The following NUMA1 variants were observed in gnomAD, a reference collection of about 807,000 sequenced individuals.
NUMA1 encodes SP-H antigen.
NUMA1 carries 62 observed loss-of-function variants against 237.1 expected under a neutral mutation model. That is an observed-to-expected ratio of 0.26 (90% CI 0.21 to 0.32). The LOEUF (loss-of-function observed/expected upper bound fraction) is 0.32, where lower values mean the gene tolerates loss of function less well. NUMA1 is among the 10% of genes least tolerant of loss of function. The probability of loss-of-function intolerance (pLI) is 1.00; values close to 1 mark genes in which losing one functional copy is unlikely to be tolerated. For missense variants in NUMA1, 2,533 were observed against 2,666.5 expected (o/e 0.95, Z 1.10); for synonymous variants, 1,028 against 1,066.1 (o/e 0.96, Z 0.70).
intron 1 of NUMA1, among the ~76,000 whole-genome samples, chr11:72,077,818 AAAAAAAAAAAAC>A (rs911851195): frequency 1.4e-4 from 21 of 151,150 alleles, no homozygotes; most frequent in South Asian, 1.0e-3. Context: ...CATCTCAAAA[AAAAAAAAAAAAC>A]AAAAAACTGA....
intron 2 of NUMA1, chr11:72,065,633 C>G (rs1024760843): frequency 2.0e-5 from 3 of 152,152 alleles, no homozygotes; most frequent in Non-Finnish European, 4.4e-5. Context: ...CTGCGTTTTT[C>G]ACATATCCTA....
At chr11:72,036,820 G>A (rs1412846603) in intron 2 of NUMA1, among the ~76,000 whole-genome samples, 2 of 152,102 alleles carry the variant, frequency 1.3e-5, no homozygotes, top group Admixed American at 6.6e-5. Context: ...AGAGACCACA[G>A]ACCAGATTAA....
intron 2 of NUMA1, among the ~76,000 whole-genome samples, chr11:72,038,035 A>C (rs1941245393): frequency 6.6e-6 from 1 of 152,154 alleles, no homozygotes; most frequent in Non-Finnish European, 1.5e-5. Context: ...CAGACACTCA[A>C]CTGGGGTTTC....
intron 22 of NUMA1, chr11:72,005,758 G>A (rs529594564): frequency 6.4e-5 from 32 of 503,798 alleles, no homozygotes; most frequent in Middle Eastern, 5.0e-4. Context: ...GCCCATCACC[G>A]CCTGAGAAGG....
chr11:72,068,881 T>C (rs1408632968), intron 2 of NUMA1, among the ~76,000 whole-genome samples: 1 of 152,214 alleles, frequency 6.6e-6, no homozygotes, highest in Non-Finnish European at 1.5e-5. Flanking sequence ...GTTACTGTTT[T>C]ATAGTCACAC....
chr11:72,038,795 A>C (rs2135789734), intron 2 of NUMA1, among the ~76,000 whole-genome samples: 3 of 146,906 alleles, frequency 2.0e-5, no homozygotes, highest in East Asian at 2.1e-4. Flanking sequence ...TCCCCCCCAC[A>C]ACCCTCACTC....
At chr11:72,016,314 C>A in intron 14 of NUMA1, 54 bp from the exon 15 acceptor site, 1 of 1,584,630 alleles carries the variant, frequency 6.3e-7, no homozygotes. Context: ...GTCATCAAGA[C>A]TCCTCTGGAA....
intron 1 of NUMA1, among the ~76,000 whole-genome samples, chr11:72,071,146 C>A (rs1943432991): frequency 6.6e-6 from 1 of 152,210 alleles, no homozygotes; most frequent in African/African-American, 2.4e-5. Flanking sequence ...ATCCCAACTG[C>A]CTCCAATTCT....
chr11:72,049,575 A>ATATATATATATATATG (rs1942214074), intron 2 of NUMA1: 1 of 19,826 alleles, frequency 5.0e-5, no homozygotes. Context: ...ATATATATAT[A>ATATATATATATATATG]TATATATAGT....
chr11:72,003,398 ACT>A lies in NUMA1; in HGVS notation c.*127_*128del. On this transcript the variant is annotated 3_prime_UTR_variant, in exon 27 of 27. Coordinates refer to ENST00000393695, the MANE Select transcript of NUMA1 (RefSeq NM_006185.4). ...CCAGGCCAGGGTGCGGGCAGGCATC[ACT>A]GTCTCTAGGGGTTTGGCTACTGTTG... 2 of 909,542 alleles carry A rather than the reference ACT, an allele frequency of 2.2e-6. No homozygotes were observed. Among genetic ancestry groups the A allele is most frequent in the Non-Finnish European group, 3.6e-6 (2 of 548,440 alleles). The allele number at this position is 909,542 out of a possible 1,614,324, so 56.3% of individuals were successfully genotyped here.
At chr11:72,064,872 T>C (rs780193503) in intron 2 of NUMA1, among the ~76,000 whole-genome samples, 15 of 152,172 alleles carry the variant, frequency 9.9e-5, no homozygotes, top group Non-Finnish European at 1.8e-4. Context: ...AAAACTATTA[T>C]GGTATGGCCC....
rs139068712 is a variant in NUMA1 at position 72,014,549 on chromosome 11, C to T, written c.2954G>A (p.Arg985Gln). The T allele has an allele frequency of 3.8e-5, 61 of 1,602,478 alleles. No homozygotes were observed. The highest frequency in any genetic ancestry group is 4.9e-5 in the Non-Finnish European group (58 of 1,179,978). ...CCCCTGGCTCTCCATCAGCGCGGCC[C>T]GCAGCCGTTCCAGCTCATTGCCCAT... The part of the protein sequence containing the change: ...EQMGNELERL[R>Q]AALMESQGQQ... The change falls in exon 15 of 27, where the codon CGG (arginine) becomes CAG (glutamine). Residue 985 changes from arginine to glutamine, a missense_variant. Arg to Gln is a conservative substitution (Grantham distance 43, BLOSUM62 1). Coordinates refer to ENST00000393695, the MANE Select transcript of NUMA1 (RefSeq NM_006185.4). The surrounding 1 kb of genome is among the most constrained non-coding windows in gnomAD (Gnocchi z 4.6).
chr11:72,076,934 C>T (rs1943737012), intron 1 of NUMA1, among the ~76,000 whole-genome samples: 1 of 151,878 alleles, frequency 6.6e-6, no homozygotes, highest in African/African-American at 2.4e-5. Flanking sequence ...GAGACAAAAA[C>T]AAGATCACGA....
Position 72,016,082 on chromosome 11 carries a change from G to C in NUMA1, c.1421C>G (p.Ser474Cys). Residue 474 changes from serine to cysteine, a missense_variant, in exon 15 of 27, where the codon TCC (serine) becomes TGC (cysteine). Around this residue, in one of 3 missense-constraint regions of NUMA1, gnomAD observed 1,414 missense variants for 1,508.1 expected, o/e 0.94. Coordinates refer to ENST00000393695, the MANE Select transcript of NUMA1 (RefSeq NM_006185.4). ...CTTGGCCTGGCTGAGGTTGGAGATG[G>C]AGCTCTGCAGGTCAGTGATCAGGCT... ...LSSLITDLQS[S>C]ISNLSQAKEE... 1 of 1,614,156 alleles carries C rather than the reference G, an allele frequency of 6.2e-7. No homozygotes were observed. The highest frequency in any genetic ancestry group is 8.5e-7 in the Non-Finnish European group (1 of 1,180,042).
At chr11:72,021,357 G>GCTCCACCCTGGCAGTGCCAGTCC in intron 7 of NUMA1, 66 bp from the exon 8 acceptor site, 2 of 1,404,930 alleles carry the variant, frequency 1.4e-6, no homozygotes, top group South Asian at 2.3e-5. Flanking sequence ...GCTGCCAGGA[G>GCTCCACCCTGGCAGTGCCAGTCC]CTCCACCCTG....
chr11:72,058,920 GA>G lies in NUMA1; in HGVS notation c.-33+10921del, dbSNP rs565355752. 2.1e-4 allele frequency among the ~76,000 whole-genome samples: 32 copies of G among 152,298 alleles called. No individual in the cohort carries two copies. In the East Asian group the frequency reaches 6.0e-3, roughly 28 times the overall value. On this transcript the variant is annotated intron_variant, in intron 2 of 26. Coordinates refer to ENST00000393695, the MANE Select transcript of NUMA1 (RefSeq NM_006185.4). ...CACACTCCTAATCCTGGCAAGTGCAGACAGGCCCAGGAGCTCTCCAAACAAT... is the reference window on the plus strand; with the variant it reads ...CACACTCCTAATCCTGGCAAGTGCAGCAGGCCCAGGAGCTCTCCAAACAAT...
intron 2 of NUMA1, among the ~76,000 whole-genome samples, chr11:72,048,520 C>T (rs1305146170): frequency 6.6e-6 from 1 of 152,034 alleles, no homozygotes; most frequent in Admixed American, 6.6e-5. Context: ...TACAGGCGCT[C>T]GCCAACATGC....
intron 2 of NUMA1, among the ~76,000 whole-genome samples, chr11:72,063,608 C>CAAAAAAAA (rs71052848): frequency 9.8e-5 from 6 of 61,134 alleles, no homozygotes; most frequent in Non-Finnish European, 1.7e-4. Flanking sequence ...TACCAAAACT[C>CAAAAAAAA]AAAAAAAAAA....
chr11:72,079,269 T>A (rs533149328), intron 1 of NUMA1, among the ~76,000 whole-genome samples: 30 of 131,186 alleles, frequency 2.3e-4, no homozygotes, highest in African/African-American at 8.3e-4. Context: ...AGGCCGGGCG[T>A]GATGGCTCAC....
Sources: gnomAD v4.1 joint callset for allele counts (sites outside exome capture counted in the v4.1 genomes callset) on GRCh38, gnomAD v4.1.1 for gene constraint, gnomAD v4.1.1 regional missense constraint, Gnocchi (gnomAD v3.1) non-coding constraint, MANE v1.5 for transcripts, NCBI Gene and HGNC (gene_info 2026-07-23, HGNC 2026-07-21) for gene names.